Variants in DCT observed in about 807,000 individuals in gnomAD.
DCT encodes the protein L-dopachrome tautomerase.
DCT carries 47 observed loss-of-function variants against 53.0 expected under a neutral mutation model. The observed-to-expected ratio is 0.89, with a 90% CI of 0.70 to 1.13. The LOEUF (loss-of-function observed/expected upper bound fraction) is 1.13. DCT is among the 50% of genes most tolerant of loss of function. The pLI is 0.00. For synonymous variants in DCT, 244 were observed against 237.0 expected (o/e 1.03, Z -0.27); for missense variants, 669 against 637.4 (o/e 1.05, Z -0.53).
intron 6 of DCT, among the ~76,000 whole-genome samples, chr13:94,451,114 C>T (rs1278817924): frequency 2.6e-5 from 4 of 152,132 alleles, no homozygotes; most frequent in Admixed American, 2.6e-4. Flanking sequence ...AGAGAGGGGT[C>T]CAGCCACCCT....
At chr13:94,452,898 T>A (rs1360522367) in intron 6 of DCT, among the ~76,000 whole-genome samples, 1 of 152,158 alleles carries the variant, frequency 6.6e-6, no homozygotes, top group Non-Finnish European at 1.5e-5. Context: ...TTTGTTTGTG[T>A]ATTTATAAAA....
chr13:94,457,131 A>G (rs892536103), intron 6 of DCT, among the ~76,000 whole-genome samples: 2 of 152,252 alleles, frequency 1.3e-5, no homozygotes, highest in Non-Finnish European at 2.9e-5. Flanking sequence ...CTCCGTCTCA[A>G]AAAGAAAAAA....
At chr13:94,507,320 A>C in the DCT span, among the ~76,000 whole-genome samples, 1 of 152,220 alleles carries the variant, frequency 6.6e-6, no homozygotes, top group Non-Finnish European at 1.5e-5. Flanking sequence ...ACTTTTCTAC[A>C]AGTCTAAAGT....
the DCT span, among the ~76,000 whole-genome samples, chr13:94,497,734 G>A: frequency 1.1e-4 from 16 of 152,284 alleles, no homozygotes; most frequent in Middle Eastern, 0.017. Flanking sequence ...GCTGTCTCAG[G>A]GGTGGCAGAG....
At chr13:94,443,380 A>G in intron 7 of DCT, 56 bp downstream of exon 7, 1 of 1,353,486 alleles carries the variant, frequency 7.4e-7, no homozygotes, top group Non-Finnish European at 1.1e-6. Flanking sequence ...GAAAGCAAGA[A>G]AGCTAGCTTC....
chr13:94,443,359 T>C, intron 7 of DCT, 77 bp downstream of exon 7: 1 of 1,210,936 alleles, frequency 8.3e-7, no homozygotes, highest in Non-Finnish European at 1.2e-6. Flanking sequence ...TTGGTTTACA[T>C]TATAAAGAAA....
intron 2 of DCT, chr13:94,468,446 C>CCTCCACCT: frequency 7.3e-6 from 2 of 274,828 alleles, no homozygotes; most frequent in Non-Finnish European, 1.4e-5. Flanking sequence ...AAGGAATTCG[C>CCTCCACCT]CTCCACCTCA....
chr13:94,522,384 C>A, the DCT span, among the ~76,000 whole-genome samples: 1 of 152,012 alleles, frequency 6.6e-6, no homozygotes, highest in Non-Finnish European at 1.5e-5. Flanking sequence ...ACATCAGACT[C>A]CAAGTTCTTC....
the DCT span, among the ~76,000 whole-genome samples, chr13:94,528,211 C>G: frequency 2.2e-4 from 34 of 152,272 alleles, no homozygotes; most frequent in African/African-American, 8.2e-4. Flanking sequence ...CTGGAAAACA[C>G]TCTTTGGGAT....
At chr13:94,461,898 A>C in intron 5 of DCT, 112 bp downstream of exon 5, 1 of 858,240 alleles carries the variant, frequency 1.2e-6, no homozygotes, top group Non-Finnish European at 1.8e-6. Flanking sequence ...TCTCTCCATC[A>C]CTTAGCTTCG....
the DCT span, among the ~76,000 whole-genome samples, chr13:94,535,641 G>C: frequency 6.6e-6 from 1 of 152,186 alleles, no homozygotes; most frequent in African/African-American, 2.4e-5. Flanking sequence ...GAAGCTAGTG[G>C]ACCAGAGGTC....
the DCT span, among the ~76,000 whole-genome samples, chr13:94,525,964 G>C: frequency 4.6e-4 from 70 of 152,342 alleles, no homozygotes; most frequent in African/African-American, 1.7e-3. Context: ...CTTCATTTAA[G>C]CCCAAAGGCC....
At chr13:94,537,481 G>A in the DCT span, among the ~76,000 whole-genome samples, 1 of 152,190 alleles carries the variant, frequency 6.6e-6, no homozygotes, top group Non-Finnish European at 1.5e-5. Context: ...TTCCTAAACT[G>A]CCTAAACTTG....
At chr13:94,513,359 G>C in the DCT span, among the ~76,000 whole-genome samples, 1 of 152,184 alleles carries the variant, frequency 6.6e-6, no homozygotes, top group Non-Finnish European at 1.5e-5. Context: ...GTGCTTTGTA[G>C]AGCACAAGAA....
In DCT at chr13:94,465,662, T is replaced by C. The variant is rs750785411; in HGVS notation, c.834A>G (p.Arg278=). 2 of 1,613,404 alleles carry C rather than the reference T, an allele frequency of 1.2e-6. No homozygotes were observed. The highest frequency in any genetic ancestry group is 1.3e-5 in the African/African-American group (1 of 74,784). Residue 278 remains arginine (R), a synonymous_variant, in exon 4 of 8, where the codon AGA becomes AGG. Transcript: ENST00000377028. ...DDPTLISRNS[R]FSSWETVCDS... is the part of the protein sequence containing the mutation. ...CACAGACAGTTTCCCAGCTGGAGAA[T>C]CTTGAGTTCCGACTAATCAGAGTCG...
At chr13:94,443,963 A>C (rs1882540272) in intron 6 of DCT, among the ~76,000 whole-genome samples, 1 of 152,226 alleles carries the variant, frequency 6.6e-6, no homozygotes, top group African/African-American at 2.4e-5. Context: ...CATTGGTTGC[A>C]GATTGAACAT....
the DCT span, among the ~76,000 whole-genome samples, chr13:94,540,627 AATGTGTTTT>A: frequency 6.6e-6 from 1 of 152,214 alleles, no homozygotes; most frequent in Non-Finnish European, 1.5e-5. Context: ...CCCCAGTTAA[AATGTGTTTT>A]ATCGAAAAGA....
chr13:94,495,961 G>T, the DCT span, among the ~76,000 whole-genome samples: 5 of 152,128 alleles, frequency 3.3e-5, no homozygotes, highest in Admixed American at 1.3e-4. Context: ...TATAGAGCAG[G>T]CTCTTCCCAG....
chr13:94,512,604 T>A, the DCT span, among the ~76,000 whole-genome samples: 1 of 152,214 alleles, frequency 6.6e-6, no homozygotes, highest in Non-Finnish European at 1.5e-5. Context: ...CACCAAAACA[T>A]TGACTCAGTA....
Sources: gnomAD v4.1 joint callset for allele counts (sites outside exome capture counted in the v4.1 genomes callset) on GRCh38, gnomAD v4.1.1 for gene constraint, MANE v1.5 for transcripts, NCBI Gene and HGNC (gene_info 2026-07-23, HGNC 2026-07-21) for gene names.